UPB1: variants seen among roughly 807,000 people sequenced by gnomAD.
The protein encoded by UPB1 is beta-ureidopropionase 1, also known as beta-ureidopropionase.
In UPB1, 40 loss-of-function variants were observed where a neutral mutation model predicts 49.1. The observed-to-expected ratio is 0.81, with a 90% confidence interval of 0.63 to 1.06. UPB1 has a LOEUF of 1.06. Among genes scored for constraint, UPB1 ranks in the 50% least tolerant of loss-of-function variants. The probability of loss-of-function intolerance (pLI) is 0.00; values close to 1 mark genes in which losing one functional copy is unlikely to be tolerated. For missense variants in UPB1, 499 were observed against 505.9 expected (o/e 0.99, Z 0.13); for synonymous variants, 207 against 198.2 (o/e 1.04, Z -0.38).
chr22:24,497,139 G>T (rs1004430786), intron 1 of UPB1, among the ~76,000 whole-genome samples: 3 of 152,176 alleles, frequency 2.0e-5, no homozygotes, highest in Non-Finnish European at 2.9e-5. Context: ...AGTGGAGAAA[G>T]ATGTCCAAGC....
rs372329085 is a variant in UPB1 at position 24,523,819 on chromosome 22, C to T, written c.1071+46C>T. The T allele has an allele frequency of 4.5e-5, 73 of 1,612,840 alleles. No individual in the cohort carries two copies. The African/African-American group carries it at 7.9e-4, about 17-fold the overall frequency. On this transcript the variant is annotated intron_variant, in intron 9 of 9. Transcript: ENST00000326010. ...TTGTTGCCTGCTCCTCTGCTTTGGC[C>T]CTCATCCTGCTCTCAGGAACTGCTG...
At chr22:24,502,475 C>G (rs2044012047) in intron 3 of UPB1, 2 of 780,916 alleles carry the variant, frequency 2.6e-6, no homozygotes, top group African/African-American at 3.4e-5. Flanking sequence ...GTCCAAGCCC[C>G]TGGCAGCTCA....
chr22:24,508,096 C>T (rs1242956418), intron 3 of UPB1, among the ~76,000 whole-genome samples: 1 of 152,196 alleles, frequency 6.6e-6, no homozygotes, highest in Admixed American at 6.5e-5. Flanking sequence ...TTAGGAGATA[C>T]TGTCTACAAT....
chr22:24,526,950 A>C lies in UPB1; in HGVS notation c.*1156A>C, dbSNP rs1018646679. The C allele has an allele frequency of 2.0e-5, 3 of 152,196 alleles. No individual in the cohort carries two copies. The highest frequency in any genetic ancestry group is 7.2e-5 in the African/African-American group (3 of 41,458). 9.4% of individuals were successfully genotyped at this position (152,196 alleles called of 1,614,324 possible). ...GTAATTTGTTGCACTAAATCCTTTT[A>C]TATCTCTATCCATCACCTACTAATT... On this transcript the variant is annotated 3_prime_UTR_variant, in exon 10 of 10. Transcript: ENST00000326010.
At position 24,495,653 on chromosome 22, in the gene UPB1, C is replaced by T. The variant is rs1218934889; in HGVS notation, c.104+146C>T. On this transcript the variant is annotated intron_variant, in intron 1 of 9. Transcript: ENST00000326010. ...TTGGCGGGCAGAGACCATAGTAGGT[C>T]TTGATGGGACGGCCCCGGGGTCCTT... 7 of 824,292 alleles carry T rather than the reference C, an allele frequency of 8.5e-6. No homozygotes were observed. In the East Asian group the frequency reaches 1.6e-4, roughly 19 times the overall value. The allele number at this position is 824,292 out of a possible 1,614,324, so 51.1% of individuals were successfully genotyped here.
chr22:24,498,329 G>A (rs1367739661), intron 1 of UPB1, among the ~76,000 whole-genome samples: 1 of 152,224 alleles, frequency 6.6e-6, no homozygotes, highest in African/African-American at 2.4e-5. Flanking sequence ...AGGCCTTTCG[G>A]TGGGCACAGC....
At chr22:24,495,534 G>T in intron 1 of UPB1, 27 bp downstream of exon 1, 1 of 1,610,532 alleles carries the variant, frequency 6.2e-7, no homozygotes, top group Non-Finnish European at 8.5e-7. Flanking sequence ...CTAAGCTAAT[G>T]GGGTCTTGGG....
intron 8 of UPB1, among the ~76,000 whole-genome samples, chr22:24,522,407 G>A (rs375285526): frequency 9.8e-5 from 15 of 152,288 alleles, no homozygotes; most frequent in Admixed American, 9.8e-4. Flanking sequence ...CAAACCAGCT[G>A]TACTGATGCC....
chr22:24,515,036 T>A (rs2044268504), intron 5 of UPB1, among the ~76,000 whole-genome samples, 165 bp from the exon 6 acceptor site: 1 of 152,038 alleles, frequency 6.6e-6, no homozygotes, highest in South Asian at 2.1e-4. Flanking sequence ...GGTGTCAGGG[T>A]TTTTTTGTGT....
intron 1 of UPB1, 113 bp from the exon 2 acceptor site, chr22:24,499,994 C>G: frequency 6.5e-7 from 1 of 1,548,892 alleles, no homozygotes; most frequent in African/African-American, 1.4e-5. Flanking sequence ...CGCCTTCTAG[C>G]CAGGACATCC....
rs563771213 is a variant in UPB1, at chr22:24,513,502, A to G, written c.621+17A>G. On this transcript the variant is annotated intron_variant, in intron 5 of 9. Coordinates refer to ENST00000326010, the MANE Select transcript of UPB1 (RefSeq NM_016327.3). ...TTCAACGAGGTGAGCCACCCATAAG[A>G]TAGATAACCAGCCCTGCTCACTTGC... 17 of 1,612,396 alleles carry G rather than the reference A, an allele frequency of 1.1e-5. No homozygotes were observed. The highest frequency in any genetic ancestry group is 3.3e-5 in the South Asian group (3 of 90,806).
intron 3 of UPB1, among the ~76,000 whole-genome samples, chr22:24,506,081 C>T (rs951707121): frequency 2.8e-4 from 41 of 147,338 alleles, no homozygotes; most frequent in African/African-American, 8.4e-4. Flanking sequence ...CATGCAGTGG[C>T]GCATTCTCAG....
chr22:24,497,447 G>A (rs774976567), intron 1 of UPB1, among the ~76,000 whole-genome samples: 2 of 152,224 alleles, frequency 1.3e-5, no homozygotes, highest in Non-Finnish European at 2.9e-5. Context: ...GAAAGATGAA[G>A]TTCCAGAAGT....
intron 1 of UPB1, among the ~76,000 whole-genome samples, chr22:24,499,350 T>G (rs2043947115): frequency 6.6e-6 from 1 of 152,204 alleles, no homozygotes; most frequent in South Asian, 2.1e-4. Flanking sequence ...CTAGGGGCCG[T>G]GTCCCATCCC....
chr22:24,507,686 C>T (rs1292888608), intron 3 of UPB1, among the ~76,000 whole-genome samples: 1 of 152,156 alleles, frequency 6.6e-6, no homozygotes, highest in Non-Finnish European at 1.5e-5. Flanking sequence ...GCCAGGCCAG[C>T]AAGCTTTGAT....
chr22:24,512,086 T>G (rs2044216587), intron 4 of UPB1, among the ~76,000 whole-genome samples: 1 of 152,148 alleles, frequency 6.6e-6, no homozygotes, highest in Non-Finnish European at 1.5e-5. Flanking sequence ...ATGGTGACTT[T>G]ATCAATACTC....
chr22:24,497,776 CAG>C (rs2043919442), intron 1 of UPB1, among the ~76,000 whole-genome samples: 2 of 152,150 alleles, frequency 1.3e-5, no homozygotes, highest in Admixed American at 6.5e-5. Flanking sequence ...GCTACTATAA[CAG>C]AATACCAGAC....
intron 8 of UPB1, among the ~76,000 whole-genome samples, chr22:24,522,749 T>A (rs1311441293): frequency 7.5e-5 from 11 of 146,320 alleles, no homozygotes; most frequent in Non-Finnish European, 1.2e-4. Context: ...CTGACCAACA[T>A]GGAGAAACCC....
At chr22:24,519,586 C>T (rs1330689680) in intron 6 of UPB1, among the ~76,000 whole-genome samples, 1 of 152,176 alleles carries the variant, frequency 6.6e-6, no homozygotes, top group Non-Finnish European at 1.5e-5. Flanking sequence ...TGCCTCCCTC[C>T]TGGGCCACTA....
Sources: gnomAD v4.1 joint callset for allele counts (sites outside exome capture counted in the v4.1 genomes callset) on GRCh38, gnomAD v4.1.1 for gene constraint, MANE v1.5 for transcripts, NCBI Gene and HGNC (gene_info 2026-07-23, HGNC 2026-07-21) for gene names.